Variants in AGBL4 observed in about 807,000 individuals in gnomAD.
AGBL4 encodes cytosolic carboxypeptidase 6.
AGBL4 carries 58 observed loss-of-function variants against 66.4 expected under a neutral mutation model. That is an observed-to-expected ratio of 0.87 (90% CI 0.71 to 1.09). The LOEUF (loss-of-function observed/expected upper bound fraction) is 1.09, where lower values mean the gene tolerates loss of function less well. AGBL4 is among the 50% of genes least tolerant of loss of function. The probability of loss-of-function intolerance (pLI) is 0.00; values close to 1 mark genes in which losing one functional copy is unlikely to be tolerated. For synonymous variants in AGBL4, 234 were observed against 222.9 expected (o/e 1.05, Z -0.44); for missense variants, 579 against 631.0 (o/e 0.92, Z 0.88).
At chr1:49,989,787 G>A (rs1023739188) in intron 1 of AGBL4, among the ~76,000 whole-genome samples, 1 of 152,122 alleles carries the variant, frequency 6.6e-6, no homozygotes, top group Non-Finnish European at 1.5e-5. Flanking sequence ...ATGCTGAAAT[G>A]CTCCAGAAAT....
chr1:49,500,644 C>T (rs1340178778), intron 3 of AGBL4, among the ~76,000 whole-genome samples: 1 of 151,942 alleles, frequency 6.6e-6, no homozygotes, highest in Non-Finnish European at 1.5e-5. Context: ...ATGTCCTTTC[C>T]CCACTTTATG....
intron 9 of AGBL4, among the ~76,000 whole-genome samples, chr1:48,624,853 T>G (rs1368882764): frequency 6.6e-6 from 1 of 151,918 alleles, no homozygotes; most frequent in Non-Finnish European, 1.5e-5. Context: ...CTCAGCGAAT[T>G]TGTATTTTCA....
intron 11 of AGBL4, among the ~76,000 whole-genome samples, chr1:48,545,970 AG>A (rs1644152197): frequency 6.6e-6 from 1 of 152,246 alleles, no homozygotes; most frequent in Non-Finnish European, 1.5e-5. Flanking sequence ...TGAAGAGGAC[AG>A]GGATTGGGGT....
intron 2 of AGBL4, among the ~76,000 whole-genome samples, chr1:49,752,747 C>T (rs1571487745): frequency 6.6e-6 from 1 of 152,088 alleles, no homozygotes; most frequent in Non-Finnish European, 1.5e-5. Flanking sequence ...GAATCTGGGT[C>T]CTCCTCTATT....
intron 1 of AGBL4, among the ~76,000 whole-genome samples, chr1:49,911,861 G>C (rs1408154513): frequency 6.6e-6 from 1 of 152,180 alleles, no homozygotes; most frequent in Non-Finnish European, 1.5e-5. Flanking sequence ...ATTGGTCTTG[G>C]CAGTGAATCT....
chr1:48,901,593 T>A (rs1652085112), intron 5 of AGBL4, among the ~76,000 whole-genome samples: 1 of 152,172 alleles, frequency 6.6e-6, no homozygotes, highest in Admixed American at 6.5e-5. Context: ...GAATGATTAT[T>A]CTGAGTAAAA....
intron 6 of AGBL4, among the ~76,000 whole-genome samples, chr1:48,846,419 A>AAGAG (rs1168129496): frequency 1.4e-5 from 2 of 147,516 alleles, no homozygotes; most frequent in African/African-American, 2.6e-5. Flanking sequence ...GAAAGAAAGA[A>AAGAG]AGAAATTCAT....
chr1:49,025,200 A>C (rs915870365), intron 5 of AGBL4, among the ~76,000 whole-genome samples: 4 of 152,210 alleles, frequency 2.6e-5, no homozygotes, highest in African/African-American at 9.6e-5. Context: ...AAAACCTTGC[A>C]AACAGGTCTG....
At chr1:49,384,259 C>T (rs766907513) in intron 3 of AGBL4, among the ~76,000 whole-genome samples, 3 of 151,732 alleles carry the variant, frequency 2.0e-5, no homozygotes, top group African/African-American at 2.4e-5. Context: ...ATAAAAAATT[C>T]GGATTCAAAA....
At chr1:49,782,425 T>C (rs1390861780) in intron 2 of AGBL4, among the ~76,000 whole-genome samples, 1 of 152,148 alleles carries the variant, frequency 6.6e-6, no homozygotes, top group Admixed American at 6.5e-5. Context: ...GTATAAAATA[T>C]GAATGCATCT....
intron 5 of AGBL4, among the ~76,000 whole-genome samples, chr1:48,957,462 G>T (rs946316130): frequency 3.9e-5 from 6 of 152,274 alleles, no homozygotes; most frequent in Admixed American, 2.6e-4. Flanking sequence ...ACATTCTCTA[G>T]AAATGGAATG....
intron 4 of AGBL4, among the ~76,000 whole-genome samples, chr1:49,141,079 A>C (rs1646108598): frequency 6.6e-6 from 1 of 152,216 alleles, no homozygotes; most frequent in East Asian, 1.9e-4. Flanking sequence ...GAGCAGGAAC[A>C]TTAATTGGTA....
intron 6 of AGBL4, among the ~76,000 whole-genome samples, chr1:48,751,108 C>T (rs1449383679): frequency 6.6e-6 from 1 of 152,098 alleles, no homozygotes; most frequent in East Asian, 1.9e-4. Context: ...CTCAGTTGTC[C>T]ATCTATAAGA....
At chr1:49,238,324 G>T (rs1266737924) in intron 4 of AGBL4, among the ~76,000 whole-genome samples, 1 of 152,036 alleles carries the variant, frequency 6.6e-6, no homozygotes. Context: ...ATAATCTTTT[G>T]TTAGCATCCC....
intron 11 of AGBL4, among the ~76,000 whole-genome samples, chr1:48,563,313 C>T (rs1644424526): frequency 6.6e-6 from 1 of 152,176 alleles, no homozygotes; most frequent in African/African-American, 2.4e-5. Context: ...CCAAGGCAAC[C>T]CATCTCTTGC....
chr1:48,895,051 G>A (rs910258015), intron 5 of AGBL4, among the ~76,000 whole-genome samples: 4 of 152,170 alleles, frequency 2.6e-5, no homozygotes, highest in Non-Finnish European at 5.9e-5. Context: ...GGCAGTTAAC[G>A]CTGCTAAGGC....
chr1:48,939,732 T>A (rs1655794313), intron 5 of AGBL4, among the ~76,000 whole-genome samples: 1 of 152,226 alleles, frequency 6.6e-6, no homozygotes, highest in Non-Finnish European at 1.5e-5. Flanking sequence ...GGGGCCCCAC[T>A]CTGCCCTTCA....
chr1:49,873,183 C>A (rs1439182437), intron 1 of AGBL4, among the ~76,000 whole-genome samples: 1 of 151,920 alleles, frequency 6.6e-6, no homozygotes, highest in Non-Finnish European at 1.5e-5. Context: ...GATTGTTCTC[C>A]CTTTTTGTTT....
intron 1 of AGBL4, among the ~76,000 whole-genome samples, chr1:49,886,343 G>A (rs948617273): frequency 3.3e-5 from 5 of 152,108 alleles, no homozygotes; most frequent in Admixed American, 2.0e-4. Flanking sequence ...TCAAATATGT[G>A]TGAAAATGAG....
Sources: allele counts gnomAD v4.1 joint callset (sites outside exome capture counted in the v4.1 genomes callset), GRCh38; gene constraint gnomAD v4.1.1; transcripts MANE v1.5; gene names NCBI Gene and HGNC (gene_info 2026-07-23, HGNC 2026-07-21).